P4HA1: variants seen among roughly 807,000 people sequenced by gnomAD.
P4HA1 encodes the protein prolyl 4-hydroxylase subunit alpha-1.
In P4HA1, 24 loss-of-function variants were observed where a neutral mutation model predicts 72.8. The ratio of observed to expected loss-of-function variants is 0.33; its 90% CI spans 0.24 to 0.46. The LOEUF is 0.46. Ranked by LOEUF, P4HA1 falls within the 20% of genes least tolerant of loss-of-function variation. The probability of loss-of-function intolerance (pLI) is 1.00; values close to 1 mark genes in which losing one functional copy is unlikely to be tolerated. For missense variants in P4HA1, 446 were observed against 640.6 expected, an observed-to-expected ratio of 0.70 and a Z score of 3.28; for synonymous variants, 201 against 218.8, an observed-to-expected ratio of 0.92 and a Z score of 0.72.
chr10:73,039,468 G>T (rs962975342), intron 9 of P4HA1, among the ~76,000 whole-genome samples: 3 of 151,758 alleles, frequency 2.0e-5, no homozygotes, highest in African/African-American at 7.3e-5. Flanking sequence ...CACCATGCCC[G>T]GCTAATTTTT....
At chr10:73,035,987 G>A (rs756033329) in intron 9 of P4HA1, among the ~76,000 whole-genome samples, 7 of 151,936 alleles carry the variant, frequency 4.6e-5, no homozygotes, top group Admixed American at 1.3e-4. Flanking sequence ...TCAGGAGTTC[G>A]AGACCAGCCT....
At position 73,037,558 on chromosome 10, in the gene P4HA1, TATATATA is replaced by T. The variant is rs1564624954; in HGVS notation, c.1149-7195_1149-7189del. On this transcript the variant is annotated intron_variant, in intron 9 of 14. Transcript: ENST00000394890. ...ATATATATATATATATATATATATA[TATATATA>T]TATATATTTTTTTTTTTTTTTTTTT... Among the ~76,000 whole-genome samples, 38 of 37,232 alleles carry T rather than the reference TATATATA, an allele frequency of 1.0e-3. 4 individuals are homozygous for T. Among genetic ancestry groups the T allele is most frequent in the East Asian group, 9.4e-3 (11 of 1,170 alleles). The allele number at this position is 37,232 out of a possible 152,430, so 24.4% of individuals were successfully genotyped here. A position where few individuals can be genotyped will look rare whatever the true frequency, so the allele number is the denominator to read the frequency against.
chr10:73,053,540 T>C lies in P4HA1; in HGVS notation c.514A>G (p.Lys172Glu), dbSNP rs1298385946. The change falls in exon 6 of 15, where the codon AAA becomes GAA. Residue 172 changes from lysine (K) to glutamate (E), a missense_variant. By Grantham distance (56) the Lys-to-Glu change is moderately conservative. Coordinates refer to ENST00000394890, the MANE Select transcript of P4HA1 (RefSeq NM_001017962.3). ...LTAEDCFELG[K>E]VAYTEADYYH... Reference sequence around the variant, plus strand: ...TAATCTGCTTCTGTATAGGCCACTTTGCCCAACTCAAAGCAGTCCTCAGCC... The same window carrying C: ...TAATCTGCTTCTGTATAGGCCACTTCGCCCAACTCAAAGCAGTCCTCAGCC... 1 of 1,614,092 alleles carries C rather than the reference T, an allele frequency of 6.2e-7. No homozygotes were observed. Among genetic ancestry groups the C allele is most frequent in the East Asian group, 2.2e-5 (1 of 44,880 alleles).
At position 73,051,357 on chromosome 10, in the gene P4HA1, G is replaced by A. The variant is rs1038690300; in HGVS notation, c.704-108C>T. 77 of 638,994 alleles carry A rather than the reference G, an allele frequency of 1.2e-4. 1 individual carries two copies. The highest frequency in any genetic ancestry group is 1.1e-3 in the African/African-American group (62 of 54,844). The allele number at this position is 638,994 out of a possible 1,614,324, so 39.6% of individuals were successfully genotyped here. A position where few individuals can be genotyped will look rare whatever the true frequency, so the allele number is the denominator to read the frequency against. Reference sequence around the variant, plus strand: ...ACATTATAATTTATCTTCCAAACCAGGTTGCTGTTGTGAGTGAAAGGAGGC... The same window carrying A: ...ACATTATAATTTATCTTCCAAACCAAGTTGCTGTTGTGAGTGAAAGGAGGC... On this transcript the variant is annotated intron_variant, in intron 6 of 14. Coordinates refer to ENST00000394890, the MANE Select transcript of P4HA1 (RefSeq NM_001017962.3).
intron 4 of P4HA1, among the ~76,000 whole-genome samples, chr10:73,071,057 A>C (rs1420118785): frequency 6.6e-6 from 1 of 151,910 alleles, no homozygotes; most frequent in East Asian, 1.9e-4. Context: ...GTGGTGGTCT[A>C]TGCTTGTAGT....
At chr10:73,013,971 G>T (rs965870710) in intron 12 of P4HA1, among the ~76,000 whole-genome samples, 1 of 152,202 alleles carries the variant, frequency 6.6e-6, no homozygotes. Flanking sequence ...GAGACTATAT[G>T]TTAAAATATT....
intron 10 of P4HA1, among the ~76,000 whole-genome samples, chr10:73,021,659 T>C (rs765138274): frequency 1.3e-5 from 2 of 152,084 alleles, no homozygotes; most frequent in Admixed American, 6.6e-5. Context: ...GTGCAGACCA[T>C]AGAGAATGAG....
chr10:73,028,345 C>CACACAA (rs34854861), intron 10 of P4HA1, among the ~76,000 whole-genome samples: 4 of 146,164 alleles, frequency 2.7e-5, no homozygotes, highest in African/African-American at 1.0e-4. Flanking sequence ...CACACACACA[C>CACACAA]AAAATACATT....
At chr10:73,008,396 G>C (rs574582496) in intron 14 of P4HA1, 104 bp from the exon 15 acceptor site, 3 of 723,884 alleles carry the variant, frequency 4.1e-6, no homozygotes, top group Non-Finnish European at 7.1e-6. Context: ...TGGGATAAAA[G>C]TTCAACACCA....
At chr10:73,078,786 AT>A (rs1435694345) in intron 1 of P4HA1, among the ~76,000 whole-genome samples, 1 of 151,640 alleles carries the variant, frequency 6.6e-6, no homozygotes, top group East Asian at 1.9e-4. Flanking sequence ...TAATTTTTGT[AT>A]TTTTAGTAGA....
chr10:73,042,819 G>A (rs1564626608), intron 9 of P4HA1, among the ~76,000 whole-genome samples: 4 of 151,970 alleles, frequency 2.6e-5, no homozygotes, highest in Admixed American at 6.6e-5. Context: ...GGTGCTACTG[G>A]CATCCAGTGA....
At position 73,041,623 on chromosome 10, in the gene P4HA1, C is replaced by A. The variant is rs1336830398; in HGVS notation, c.1148+3358G>T. On this transcript the variant is annotated intron_variant, in intron 9 of 14. Transcript: ENST00000394890. ...CTTTCAATCCAGAAGTATCCTCTCT[C>A]TACCTGGAAGAAATGAACATCCTTA... Among the ~76,000 whole-genome samples, 5 of 151,820 alleles carry A rather than the reference C, an allele frequency of 3.3e-5. No homozygotes were observed. In the South Asian group the frequency reaches 6.3e-4, roughly 19 times the overall value.
chr10:73,031,735 C>A (rs1293007024), intron 9 of P4HA1, among the ~76,000 whole-genome samples: 2 of 152,060 alleles, frequency 1.3e-5, no homozygotes, highest in Non-Finnish European at 2.9e-5. Context: ...TATAGTTGCA[C>A]AAGGCTAAAA....
intron 7 of P4HA1, among the ~76,000 whole-genome samples, chr10:73,050,409 A>G (rs951840098): frequency 4.7e-5 from 7 of 149,676 alleles, no homozygotes; most frequent in African/African-American, 1.0e-4. Context: ...TTTTTTTTTT[A>G]AAGTTTTTTA....
At chr10:73,063,419 A>G (rs1473778340) in intron 5 of P4HA1, among the ~76,000 whole-genome samples, 1 of 152,192 alleles carries the variant, frequency 6.6e-6, no homozygotes, top group Non-Finnish European at 1.5e-5. Flanking sequence ...TCTTAATACC[A>G]TCACACTGGC....
rs1266264016 is a variant in P4HA1, at chr10:73,096,421, GA to G, written c.-33+344del. Among the ~76,000 whole-genome samples, 316 of 142,806 alleles carry G rather than the reference GA, an allele frequency of 2.2e-3. 1 individual carries two copies. Among genetic ancestry groups the G allele is most frequent in the Admixed American group, 3.1e-3 (44 of 14,382 alleles). The allele number at this position is 142,806 out of a possible 152,430, so 93.7% of individuals were successfully genotyped here. On this transcript the variant is annotated intron_variant, in intron 1 of 14. Coordinates refer to ENST00000394890, the MANE Select transcript of P4HA1 (RefSeq NM_001017962.3). ...GGAGGACCAGGTGCAGGGGAACTTGGAAAAAAAAAAAAGCAACAGAGTGATT... is the reference window on the plus strand; with the variant it reads ...GGAGGACCAGGTGCAGGGGAACTTGGAAAAAAAAAAAGCAACAGAGTGATT...
At chr10:73,091,187 TAAATA>T (rs1842023807) in intron 1 of P4HA1, among the ~76,000 whole-genome samples, 1 of 149,080 alleles carries the variant, frequency 6.7e-6, no homozygotes, top group African/African-American at 2.5e-5. Context: ...AATAAATAAA[TAAATA>T]AATAAATAAA....
At position 73,074,862 on chromosome 10, in the gene P4HA1, T is replaced by C. The variant is rs1264543786; in HGVS notation, c.22A>G (p.Ile8Val). The change falls in exon 2 of 15, where the codon ATA becomes GTA. Residue 8 changes from isoleucine to valine, a missense_variant. Physicochemically the swap from Ile to Val is conservative, Grantham distance 29 (BLOSUM62 3). Coordinates refer to ENST00000394890, the MANE Select transcript of P4HA1 (RefSeq NM_001017962.3). Reference protein sequence around the residue: MIWYILIIGILLPQSLAH... With the variant: MIWYILIVGILLPQSLAH... ...AAAGACTGGGGAAGCAGAATTCCTA[T>C]AATTAATATATACCAGATCATCTTG... The C allele has an allele frequency of 1.3e-6, 2 of 1,536,676 alleles. No individual in the cohort carries two copies. Among genetic ancestry groups the C allele is most frequent in the Non-Finnish European group, 1.8e-6 (2 of 1,110,584 alleles).
At chr10:73,049,605 G>C (rs1478502710) in intron 7 of P4HA1, among the ~76,000 whole-genome samples, 1 of 152,104 alleles carries the variant, frequency 6.6e-6, no homozygotes, top group Non-Finnish European at 1.5e-5. Flanking sequence ...TTTTGGCCTA[G>C]TATCTATTAA....
Sources: gnomAD v4.1 joint callset for allele counts (sites outside exome capture counted in the v4.1 genomes callset) on GRCh38, gnomAD v4.1.1 for gene constraint, MANE v1.5 for transcripts, NCBI Gene and HGNC (gene_info 2026-07-23, HGNC 2026-07-21) for gene names.